LCA5L: variants seen among roughly 807,000 people sequenced by gnomAD.
LCA5L encodes the protein lebercilin LCA5 like.
LCA5L carries 35 observed loss-of-function variants against 45.4 expected under a neutral mutation model. That is an observed-to-expected ratio of 0.77 (90% CI 0.59 to 1.02). The LOEUF (loss-of-function observed/expected upper bound fraction) is 1.02. Among genes scored for constraint, LCA5L ranks in the 50% least tolerant of loss-of-function variants. LCA5L has a pLI of 0.00. For synonymous variants in LCA5L, 233 were observed against 264.7 expected, an observed-to-expected ratio of 0.88 and a Z score of 1.16; for missense variants, 668 against 761.6, an observed-to-expected ratio of 0.88 and a Z score of 1.45.
At chr21:39,413,303 G>A (rs1203722919) in intron 7 of LCA5L, among the ~76,000 whole-genome samples, 3 of 152,108 alleles carry the variant, frequency 2.0e-5, no homozygotes, top group Non-Finnish European at 4.4e-5. Flanking sequence ...AGAAGATAGG[G>A]ATGAGGAAAA....
chr21:39,422,919 C>T, intron 6 of LCA5L, 57 bp downstream of exon 6: 1 of 1,512,402 alleles, frequency 6.6e-7, no homozygotes, highest in Non-Finnish European at 9.0e-7. Context: ...GATTAATTCA[C>T]ACCCTCTCTC....
chr21:39,413,348 C>T (rs1478821639), intron 7 of LCA5L, among the ~76,000 whole-genome samples: 1 of 152,170 alleles, frequency 6.6e-6, no homozygotes, highest in Non-Finnish European at 1.5e-5. Flanking sequence ...TAGCATAAGA[C>T]TGTTTTGAGT....
chr21:39,414,721 T>TCC (rs1274620244), intron 7 of LCA5L, among the ~76,000 whole-genome samples: 1 of 107,350 alleles, frequency 9.3e-6, no homozygotes, highest in East Asian at 2.8e-4. Flanking sequence ...TCCCTCTCTC[T>TCC]CTCTCTCTCT....
At chr21:39,420,684 C>G (rs1601814729) in intron 7 of LCA5L, 22 bp downstream of exon 7, 1 of 1,592,758 alleles carries the variant, frequency 6.3e-7, no homozygotes, top group South Asian at 1.1e-5. Context: ...TTCATTCTTA[C>G]ATTTTGTTTT....
chr21:39,417,414 A>C (rs1280030244), intron 7 of LCA5L, among the ~76,000 whole-genome samples: 8 of 152,208 alleles, frequency 5.3e-5, no homozygotes, highest in African/African-American at 1.9e-4. Context: ...AAAGATATTC[A>C]TGAAATCTAG....
chr21:39,422,862 C>G (rs1051054418), intron 6 of LCA5L, 114 bp downstream of exon 6: 60 of 968,422 alleles, frequency 6.2e-5, no homozygotes, highest in Non-Finnish European at 8.3e-5. Flanking sequence ...TGCAGCACGC[C>G]AAGTGAAGCA....
At chr21:39,418,417 T>C (rs2041682641) in intron 7 of LCA5L, among the ~76,000 whole-genome samples, 1 of 152,234 alleles carries the variant, frequency 6.6e-6, no homozygotes, top group Non-Finnish European at 1.5e-5. Context: ...TGGATCTTAC[T>C]GTATATAGAA....
intron 1 of LCA5L, chr21:39,444,722 C>G (rs891090786): frequency 3.3e-5 from 5 of 152,028 alleles, no homozygotes; most frequent in Admixed American, 3.3e-4. Context: ...ATTCTGGGTG[C>G]ATTTTGAAGG....
Position 39,414,738 on chromosome 21 carries a change from C to CTGTGTGTGTGTGTG in LCA5L, c.976-2937_976-2936insCACACACACACACA, listed in dbSNP as rs763309098. ...CCTCTCTCTCTCTCTCTCTCTCTCT[C>CTGTGTGTGTGTGTG]TCTCTGTGTGTGTGTGTGTGTGTGT... On this transcript the variant is annotated intron_variant, in intron 7 of 10. Transcript: ENST00000288350. Among the ~76,000 whole-genome samples, 754 of 107,228 alleles carry CTGTGTGTGTGTGTG rather than the reference C, an allele frequency of 7.0e-3. 5 individuals are homozygous for CTGTGTGTGTGTGTG. The highest frequency in any genetic ancestry group is 0.016 in the African/African-American group (408 of 25,564). The allele number at this position is 107,228 out of a possible 152,430, so 70.3% of individuals were successfully genotyped here.
intron 8 of LCA5L, 88 bp from the exon 9 acceptor site, chr21:39,410,455 GTAA>G: frequency 2.9e-6 from 2 of 683,120 alleles, no homozygotes; most frequent in East Asian, 2.8e-5. Flanking sequence ...TTTATGCAAT[GTAA>G]TAATAAAGTA....
At chr21:39,437,602 G>T (rs1480984003) in intron 2 of LCA5L, among the ~76,000 whole-genome samples, 3 of 152,038 alleles carry the variant, frequency 2.0e-5, no homozygotes, top group Non-Finnish European at 4.4e-5. Context: ...TGGGACTACA[G>T]GCACGTGCCA....
At chr21:39,414,740 CTCTGTGTG>C (rs1225344866) in intron 7 of LCA5L, among the ~76,000 whole-genome samples, 47 of 104,116 alleles carry the variant, frequency 4.5e-4, no homozygotes, top group African/African-American at 1.5e-3. Context: ...CTCTCTCTCT[CTCTGTGTG>C]TGTGTGTGTG....
At chr21:39,422,384 G>A (rs1285295340) in intron 6 of LCA5L, 1 of 152,334 alleles carries the variant, frequency 6.6e-6, no homozygotes, top group Non-Finnish European at 1.5e-5. Context: ...TGACAACCAA[G>A]TGCTGTTGAG....
At chr21:39,422,870 G>A in intron 6 of LCA5L, 106 bp downstream of exon 6, 1 of 1,010,114 alleles carries the variant, frequency 9.9e-7, no homozygotes, top group Non-Finnish European at 1.5e-6. Flanking sequence ...GCCAAGTGAA[G>A]CAGTTAGTAA....
rs892387082 is a variant in LCA5L at position 39,428,251 on chromosome 21, A to G, written c.243T>C (p.Asn81=). 2.0e-5 allele frequency: 32 copies of G among 1,605,446 alleles called. No homozygotes were observed. The highest frequency in any genetic ancestry group is 2.3e-5 in the Non-Finnish European group (27 of 1,172,460). ...FLCDCSEKAI[N]RNYLKQPVVK... ...CCACAGGCTGCTTTAAATAATTTCT[A>G]TTAATAGCCTTTTCTGAACAATCAC... Residue 81 remains asparagine (N), a synonymous_variant, in exon 5 of 11, where the codon AAT becomes AAC. Coordinates refer to ENST00000288350, the MANE Select transcript of LCA5L (RefSeq NM_152505.4).
At chr21:39,441,921 C>G (rs749357649) in intron 2 of LCA5L, among the ~76,000 whole-genome samples, 6 of 152,120 alleles carry the variant, frequency 3.9e-5, no homozygotes, top group Non-Finnish European at 8.8e-5. Flanking sequence ...CTTTCAGCAC[C>G]CATTTGAGTG....
intron 3 of LCA5L, among the ~76,000 whole-genome samples, chr21:39,429,878 T>C (rs2075474185): frequency 6.6e-6 from 1 of 151,720 alleles, no homozygotes; most frequent in Admixed American, 6.6e-5. Flanking sequence ...ATTAGTGGGG[T>C]GTGGTGGTGC....
At chr21:39,431,638 C>T in intron 3 of LCA5L, among the ~76,000 whole-genome samples, 1 of 152,088 alleles carries the variant, frequency 6.6e-6, no homozygotes, top group Non-Finnish European at 1.5e-5. Flanking sequence ...CTGCCTCAGC[C>T]TCCCAAGTAG....
chr21:39,434,136 C>G (rs1278892166), intron 3 of LCA5L, among the ~76,000 whole-genome samples: 10 of 152,134 alleles, frequency 6.6e-5, no homozygotes, highest in Admixed American at 6.6e-4. Context: ...TTTGGGTTCA[C>G]CTGGCACTGT....
Sources: gnomAD v4.1 joint callset for allele counts (sites outside exome capture counted in the v4.1 genomes callset) on GRCh38, gnomAD v4.1.1 for gene constraint, MANE v1.5 for transcripts, NCBI Gene and HGNC (gene_info 2026-07-23, HGNC 2026-07-21) for gene names.